DPP10: variants seen among roughly 807,000 people sequenced by gnomAD.
The protein encoded by DPP10 is dipeptidyl peptidase like 10, also known as inactive dipeptidyl peptidase 10.
A neutral mutation model predicts 120.9 loss-of-function variants in DPP10; 33 were observed. The observed-to-expected ratio is 0.27, with a 90% CI of 0.21 to 0.37. DPP10 has a LOEUF of 0.37. Ranked by LOEUF, DPP10 falls within the 10% of genes least tolerant of loss-of-function variation. DPP10 has a pLI of 1.00. For missense variants in DPP10, 816 were observed against 942.8 expected, an observed-to-expected ratio of 0.87 and a Z score of 1.76; for synonymous variants, 337 against 326.1, an observed-to-expected ratio of 1.03 and a Z score of -0.36.
intron 17 of DPP10, among the ~76,000 whole-genome samples, chr2:115,789,235 C>T (rs1222905772): frequency 6.6e-6 from 1 of 151,996 alleles, no homozygotes; most frequent in African/African-American, 2.4e-5. Flanking sequence ...TGCAAAACAC[C>T]TTAACTAAAT....
At chr2:115,785,469 C>G (rs547930215) in intron 17 of DPP10, among the ~76,000 whole-genome samples, 116 of 152,206 alleles carry the variant, frequency 7.6e-4, no homozygotes, top group African/African-American at 2.6e-3. Context: ...TGGTTCCAGC[C>G]TTTTTCTAGT....
Position 115,667,520 on chromosome 2 carries a change from A to T in DPP10, c.442-22167A>T, listed in dbSNP as rs183611692. ...TAATCCATCTTGAGTTGGTTTTTGT[A>T]TGTGGTAAAGAAAGGGTACAGTTTC... On this transcript the variant is annotated intron_variant, in intron 5 of 25. Transcript: ENST00000410059. 5.3e-4 allele frequency among the ~76,000 whole-genome samples: 81 copies of T among 152,136 alleles called. 1 individual carries two copies. The East Asian group carries it at 0.014, about 27-fold the overall frequency.
intron 1 of DPP10, among the ~76,000 whole-genome samples, chr2:114,467,543 C>T (rs1027860301): frequency 1.3e-5 from 2 of 152,104 alleles, no homozygotes; most frequent in Admixed American, 6.5e-5. Context: ...GACTTAGAAC[C>T]TCCTTTAGGT....
chr2:115,262,425 G>A (rs1334110552), intron 1 of DPP10, among the ~76,000 whole-genome samples: 2 of 150,854 alleles, frequency 1.3e-5, no homozygotes, highest in South Asian at 2.1e-4. Context: ...TTTATTTTTA[G>A]TTTAAAAATA....
At chr2:115,715,232 A>T (rs972738123) in intron 7 of DPP10, among the ~76,000 whole-genome samples, 11 of 142,194 alleles carry the variant, frequency 7.7e-5, no homozygotes, top group Admixed American at 3.0e-4. Flanking sequence ...CCAGCTACTT[A>T]GGAGGCTGAG....
At chr2:114,560,605 C>T (rs1688692625) in intron 1 of DPP10, among the ~76,000 whole-genome samples, 2 of 152,118 alleles carry the variant, frequency 1.3e-5, no homozygotes, top group Admixed American at 6.5e-5. Context: ...ATAGGCCAGC[C>T]AGGCTTCCCC....
At chr2:115,561,344 G>A (rs907243188) in intron 5 of DPP10, among the ~76,000 whole-genome samples, 1 of 101,194 alleles carries the variant, frequency 9.9e-6, no homozygotes, top group Non-Finnish European at 1.8e-5. Flanking sequence ...GGGTGGCAGA[G>A]CAAGACTCCA....
At chr2:115,792,426 TAACA>T (rs1189048369) in intron 19 of DPP10, among the ~76,000 whole-genome samples, 1 of 152,138 alleles carries the variant, frequency 6.6e-6, no homozygotes, top group Non-Finnish European at 1.5e-5. Flanking sequence ...CCCTTTATTT[TAACA>T]AACCACATAA....
chr2:115,632,675 T>C (rs2085975932), intron 5 of DPP10, among the ~76,000 whole-genome samples: 1 of 152,210 alleles, frequency 6.6e-6, no homozygotes. Context: ...TTTTACAATC[T>C]ACCCATCTGA....
At chr2:114,669,757 A>AT (rs890405250) in intron 1 of DPP10, among the ~76,000 whole-genome samples, 13 of 151,818 alleles carry the variant, frequency 8.6e-5, no homozygotes, top group Admixed American at 3.3e-4. Flanking sequence ...AAAAATGGCC[A>AT]TTTTTTTTAT....
chr2:115,276,170 C>T (rs906529219), intron 1 of DPP10, among the ~76,000 whole-genome samples: 6 of 152,018 alleles, frequency 3.9e-5, no homozygotes, highest in South Asian at 2.1e-4. Flanking sequence ...AGAAAACACT[C>T]GAATGGCAGG....
chr2:115,115,021 G>A (rs1004945734), intron 1 of DPP10, among the ~76,000 whole-genome samples: 1 of 151,914 alleles, frequency 6.6e-6, no homozygotes. Flanking sequence ...CAGTCATAGG[G>A]CACTATGCTG....
chr2:115,535,398 G>A (rs935159765), intron 5 of DPP10, among the ~76,000 whole-genome samples: 12 of 152,074 alleles, frequency 7.9e-5, no homozygotes, highest in African/African-American at 2.9e-4. Flanking sequence ...GTTTTTCTCA[G>A]ATTTCTCAAA....
rs765467175 is a variant in DPP10 at position 115,233,966 on chromosome 2, T to TC, written c.61-75272dup. 9.6e-6 allele frequency: 5 copies of TC among 518,174 alleles called. 1 individual carries two copies. The highest frequency in any genetic ancestry group is 7.0e-5 in the South Asian group (5 of 71,484). 32.1% of individuals were successfully genotyped at this position (518,174 alleles called of 1,614,324 possible). ...GAAAGTTCTAGAACTAAGAGATAAA[T>TC]CAGCCTTCAAAACAGTAGGAAGTTA... On this transcript the variant is annotated intron_variant, in intron 1 of 25. Transcript: ENST00000410059.
chr2:115,032,178 G>A (rs1468210477), intron 1 of DPP10, among the ~76,000 whole-genome samples: 1 of 115,086 alleles, frequency 8.7e-6, no homozygotes, highest in African/African-American at 3.3e-5. Context: ...TAGCAATAGA[G>A]GGTAACTCTA....
intron 1 of DPP10, among the ~76,000 whole-genome samples, chr2:114,788,347 A>G (rs914448839): frequency 6.6e-6 from 1 of 152,126 alleles, no homozygotes; most frequent in Admixed American, 6.6e-5. Flanking sequence ...ATACTTGCAC[A>G]CTAGCCTAGT....
At chr2:115,781,216 A>G (rs1682729411) in intron 16 of DPP10, among the ~76,000 whole-genome samples, 1 of 151,926 alleles carries the variant, frequency 6.6e-6, no homozygotes, top group Admixed American at 6.6e-5. Context: ...TGCACACATA[A>G]TTAATAAGTG....
intron 1 of DPP10, chr2:115,162,161 A>T: frequency 6.5e-7 from 1 of 1,541,166 alleles, no homozygotes; most frequent in Non-Finnish European, 8.7e-7. Context: ...CCCCAGTTCC[A>T]GGCTCTCCTG....
chr2:114,518,953 A>T (rs566162004), intron 1 of DPP10, among the ~76,000 whole-genome samples: 2 of 151,750 alleles, frequency 1.3e-5, no homozygotes, highest in East Asian at 3.9e-4. Context: ...GCCCTGAGCG[A>T]CTCCAGTTTT....
Sources: allele counts gnomAD v4.1 joint callset (sites outside exome capture counted in the v4.1 genomes callset), GRCh38; gene constraint gnomAD v4.1.1; transcripts MANE v1.5; gene names NCBI Gene and HGNC (gene_info 2026-07-23, HGNC 2026-07-21).